The following PTPRD variants were observed in gnomAD, a reference collection of about 807,000 sequenced individuals.
PTPRD encodes protein tyrosine phosphatase receptor type D.
PTPRD carries 34 observed loss-of-function variants against 214.5 expected under a neutral mutation model. That is an observed-to-expected ratio of 0.16 (90% confidence interval 0.12 to 0.21). The LOEUF is 0.21. PTPRD is among the 10% of genes least tolerant of loss of function. The pLI is 1.00. For missense variants in PTPRD, 2,545 were observed against 2,398.7 expected, an observed-to-expected ratio of 1.06 and a Z score of -1.27; for synonymous variants, 1,128 against 845.7, an observed-to-expected ratio of 1.33 and a Z score of -5.79.
At chr9:8,331,328 T>C (rs1840668611) in intron 44 of PTPRD, among the ~76,000 whole-genome samples, 3 of 152,136 alleles carry the variant, frequency 2.0e-5, no homozygotes, top group African/African-American at 7.2e-5. Flanking sequence ...TAAGGTAAAA[T>C]TGGTAATTTG....
chr9:10,089,089 C>T (rs1164657732), intron 3 of PTPRD, among the ~76,000 whole-genome samples: 2 of 151,456 alleles, frequency 1.3e-5, no homozygotes, highest in Non-Finnish European at 3.0e-5. Context: ...CCCATGTAGT[C>T]CCAGCTACTT....
At chr9:10,238,205 A>G (rs1315554141) in intron 3 of PTPRD, among the ~76,000 whole-genome samples, 1 of 151,790 alleles carries the variant, frequency 6.6e-6, no homozygotes, top group Non-Finnish European at 1.5e-5. Context: ...AAAAGCACTC[A>G]GGGCACATAA....
At chr9:10,404,447 T>A (rs1029884079) in intron 2 of PTPRD, among the ~76,000 whole-genome samples, 1 of 151,738 alleles carries the variant, frequency 6.6e-6, no homozygotes, top group Non-Finnish European at 1.5e-5. Flanking sequence ...TTGTATTATT[T>A]TAAATGTTAT....
At chr9:9,641,507 C>T (rs562301278) in intron 7 of PTPRD, among the ~76,000 whole-genome samples, 1 of 152,172 alleles carries the variant, frequency 6.6e-6, no homozygotes, top group African/African-American at 2.4e-5. Context: ...AGGAAAGTAC[C>T]ATAGTGTGTC....
At position 9,300,000 on chromosome 9, in the gene PTPRD, A is replaced by C. The variant is rs189213589; in HGVS notation, c.-203+97449T>G. Among the ~76,000 whole-genome samples, 482 of 149,522 alleles carry C rather than the reference A, an allele frequency of 3.2e-3. 4 individuals carry two copies. Among genetic ancestry groups the C allele is most frequent in the Non-Finnish European group, 4.6e-3 (310 of 67,224 alleles). On this transcript the variant is annotated intron_variant, in intron 9 of 45. Coordinates refer to ENST00000381196, the MANE Select transcript of PTPRD (RefSeq NM_002839.4). ...TCTCGTATGCTGTTCAAATTGTAAA[A>C]AAGTTTGTTACTGACACACAATTTT...
At chr9:10,587,188 G>T (rs2074148216) in intron 2 of PTPRD, among the ~76,000 whole-genome samples, 1 of 152,016 alleles carries the variant, frequency 6.6e-6, no homozygotes, top group African/African-American at 2.4e-5. Flanking sequence ...TGACAGCAAA[G>T]GTCCTTACAT....
chr9:9,947,176 A>T (rs1052269591), intron 4 of PTPRD, among the ~76,000 whole-genome samples: 2 of 147,220 alleles, frequency 1.4e-5, no homozygotes, highest in African/African-American at 5.0e-5. Context: ...TACAATGAGT[A>T]GTTCAGCTAT....
At chr9:8,517,272 G>A (rs1358727925) in intron 21 of PTPRD, among the ~76,000 whole-genome samples, 1 of 152,122 alleles carries the variant, frequency 6.6e-6, no homozygotes, top group Non-Finnish European at 1.5e-5. Context: ...GTAGCTCTTA[G>A]CAAAGTTAAT....
chr9:8,843,520 G>A (rs569913474), intron 11 of PTPRD, among the ~76,000 whole-genome samples: 1 of 152,102 alleles, frequency 6.6e-6, no homozygotes, highest in Admixed American at 6.6e-5. Flanking sequence ...GTCGGTGCTG[G>A]TTCTATATCA....
At chr9:9,273,087 G>C (rs748353126) in intron 9 of PTPRD, among the ~76,000 whole-genome samples, 9 of 151,294 alleles carry the variant, frequency 5.9e-5, no homozygotes, top group Admixed American at 1.3e-4. Context: ...TTTGAGTTTT[G>C]TGCATTAGAA....
chr9:8,578,889 C>G (rs2092756417), intron 14 of PTPRD, among the ~76,000 whole-genome samples: 1 of 152,144 alleles, frequency 6.6e-6, no homozygotes, highest in Non-Finnish European at 1.5e-5. Context: ...ATTTAAAAGT[C>G]AATTCATCTC....
chr9:10,540,909 T>C (rs911680407), intron 2 of PTPRD, among the ~76,000 whole-genome samples: 5 of 152,224 alleles, frequency 3.3e-5, no homozygotes, highest in African/African-American at 1.2e-4. Context: ...AAGAATGAAA[T>C]ACCAGGGGTG....
At position 8,472,381 on chromosome 9, in the gene PTPRD, C is replaced by G. The variant is rs536003750; in HGVS notation, c.3414-1296G>C. Among the ~76,000 whole-genome samples, 60 of 152,298 alleles carry G rather than the reference C, an allele frequency of 3.9e-4. 1 individual carries two copies. Among genetic ancestry groups the G allele is most frequent in the African/African-American group, 1.3e-3 (56 of 41,580 alleles). On this transcript the variant is annotated intron_variant, in intron 30 of 45. Coordinates refer to ENST00000381196, the MANE Select transcript of PTPRD (RefSeq NM_002839.4). The stretch of plus-strand genomic sequence containing the variant: ...CCCAACCCTGTGTCACACTGAATCA[C>G]AGAGACCAATCACAGAGACCACAGA...
intron 10 of PTPRD, among the ~76,000 whole-genome samples, chr9:9,030,003 TGA>T (rs2099599449): frequency 6.6e-6 from 1 of 151,878 alleles, no homozygotes; most frequent in East Asian, 1.9e-4. Flanking sequence ...TACTGACATT[TGA>T]TGGTTGAAAA....
chr9:9,137,737 G>C (rs1356828771), intron 10 of PTPRD, among the ~76,000 whole-genome samples: 1 of 152,068 alleles, frequency 6.6e-6, no homozygotes, highest in Non-Finnish European at 1.5e-5. Flanking sequence ...TTGCTTAAAA[G>C]TGTTTCTCTG....
chr9:10,488,342 G>C (rs942605424), intron 2 of PTPRD, among the ~76,000 whole-genome samples: 2 of 147,990 alleles, frequency 1.4e-5, no homozygotes, highest in Non-Finnish European at 3.0e-5. Flanking sequence ...ACTCCAGCCT[G>C]GGCAACAGAG....
chr9:9,556,976 T>C (rs2081676070), intron 8 of PTPRD, among the ~76,000 whole-genome samples: 1 of 152,212 alleles, frequency 6.6e-6, no homozygotes, highest in African/African-American at 2.4e-5. Flanking sequence ...TTTGTTACTC[T>C]ATCACTTTAG....
chr9:10,026,786 C>T (rs936671657), intron 4 of PTPRD, among the ~76,000 whole-genome samples: 1 of 151,034 alleles, frequency 6.6e-6, no homozygotes, highest in Admixed American at 6.6e-5. Flanking sequence ...GTATGTTATA[C>T]ATTTACAAGA....
At chr9:9,021,201 A>C (rs1264509236) in intron 10 of PTPRD, among the ~76,000 whole-genome samples, 1 of 152,188 alleles carries the variant, frequency 6.6e-6, no homozygotes, top group Admixed American at 6.6e-5. Flanking sequence ...AATGAAGTAC[A>C]GTTATGTGCT....
Sources: gnomAD v4.1 joint callset for allele counts (sites outside exome capture counted in the v4.1 genomes callset) on GRCh38, gnomAD v4.1.1 for gene constraint, MANE v1.5 for transcripts, NCBI Gene and HGNC (gene_info 2026-07-23, HGNC 2026-07-21) for gene names.